CCDC169: variants seen among roughly 807,000 people sequenced by gnomAD.
CCDC169 encodes the protein coiled-coil domain containing 169.
In CCDC169, 30 loss-of-function variants were observed where a neutral mutation model predicts 36.0. The ratio of observed to expected loss-of-function variants is 0.83; its 90% CI spans 0.62 to 1.13. The LOEUF (loss-of-function observed/expected upper bound fraction) is 1.13. CCDC169 is among the 50% of genes most tolerant of loss of function. The pLI is 0.00. For missense variants in CCDC169, 245 were observed against 245.9 expected, an observed-to-expected ratio of 1.00 and a Z score of 0.03; for synonymous variants, 85 against 81.5, an observed-to-expected ratio of 1.04 and a Z score of -0.23.
At chr13:36,276,306 T>C (rs2138581974) in intron 4 of CCDC169, among the ~76,000 whole-genome samples, 1 of 152,316 alleles carries the variant, frequency 6.6e-6, no homozygotes, top group East Asian at 1.9e-4. Flanking sequence ...CTAAATGATT[T>C]CCGTAAGTTT....
intron 2 of CCDC169, among the ~76,000 whole-genome samples, chr13:36,295,335 G>T (rs1460150027): frequency 6.6e-6 from 1 of 152,100 alleles, no homozygotes; most frequent in Non-Finnish European, 1.5e-5. Context: ...AAATTTTAAG[G>T]ATATATGAGT....
At chr13:36,273,487 CCTTA>C (rs1303911514) in intron 4 of CCDC169, among the ~76,000 whole-genome samples, 3 of 152,078 alleles carry the variant, frequency 2.0e-5, no homozygotes, top group Admixed American at 6.6e-5. Context: ...ACACATACTG[CCTTA>C]CTTACTAGCT....
chr13:36,227,399 A>G, downstream of CCDC169: 1 of 1,526,458 alleles, frequency 6.6e-7, no homozygotes, highest in Non-Finnish European at 8.8e-7. Context: ...AAGAGATGTG[A>G]ATAGAACATG....
At chr13:36,285,187 A>C (rs1878020629) in intron 2 of CCDC169, among the ~76,000 whole-genome samples, 1 of 152,200 alleles carries the variant, frequency 6.6e-6, no homozygotes, top group Non-Finnish European at 1.5e-5. Context: ...ACAGTTTATA[A>C]ATTTTGACAC....
chr13:36,288,925 A>G (rs941251633), intron 2 of CCDC169, among the ~76,000 whole-genome samples: 1 of 152,148 alleles, frequency 6.6e-6, no homozygotes, highest in African/African-American at 2.4e-5. Context: ...AGTTATTCAG[A>G]AAACAGAAAA....
At chr13:36,226,792 A>C, downstream of CCDC169, 1 of 215,174 alleles carries the variant, frequency 4.6e-6, no homozygotes, top group African/African-American at 2.3e-5. Flanking sequence ...GGGGACCACT[A>C]GAGGGTGGAG....
At chr13:36,233,342 A>G (rs1435713321) in intron 7 of CCDC169, among the ~76,000 whole-genome samples, 1 of 152,178 alleles carries the variant, frequency 6.6e-6, no homozygotes, top group Non-Finnish European at 1.5e-5. Flanking sequence ...GGGGAAAGAA[A>G]CTAATATACA....
At chr13:36,297,597 G>A (rs374251563) in intron 1 of CCDC169, 40 bp downstream of exon 1, 8 of 1,535,982 alleles carry the variant, frequency 5.2e-6, no homozygotes, top group South Asian at 4.8e-5. Flanking sequence ...GGCTCGGGGG[G>A]TGTGGACGGG....
intron 6 of CCDC169, among the ~76,000 whole-genome samples, chr13:36,251,345 A>G (rs1873131618): frequency 6.6e-6 from 1 of 151,658 alleles, no homozygotes. Context: ...CCTTCACTAT[A>G]AAGATTAACA....
intron 2 of CCDC169, among the ~76,000 whole-genome samples, chr13:36,292,400 ATTC>A (rs946255149): frequency 2.0e-5 from 3 of 152,176 alleles, no homozygotes; most frequent in Admixed American, 2.0e-4. Context: ...ACAAATACTA[ATTC>A]TTCTTGCTTA....
intron 4 of CCDC169, among the ~76,000 whole-genome samples, chr13:36,265,722 C>A (rs1256936635): frequency 6.6e-6 from 1 of 152,194 alleles, no homozygotes; most frequent in East Asian, 1.9e-4. Context: ...GGTCTTTTCC[C>A]TACCATGATA....
Position 36,231,055 on chromosome 13 carries a change from G to A in CCDC169, c.*138C>T, listed in dbSNP as rs1870367253. On this transcript the variant is annotated 3_prime_UTR_variant, in exon 8 of 8. Transcript: ENST00000239859. ...TATGCAGACAAAGGAACACACGTCT[G>A]GAAAAGGAACTAAAGAAAAATGTGG... 2 of 1,423,980 alleles carry A rather than the reference G, an allele frequency of 1.4e-6. No homozygotes were observed. Among genetic ancestry groups the A allele is most frequent in the Admixed American group, 2.9e-5 (1 of 34,288 alleles). The allele number at this position is 1,423,980 out of a possible 1,614,324, so 88.2% of individuals were successfully genotyped here. A position where few individuals can be genotyped will look rare whatever the true frequency, so the allele number is the denominator to read the frequency against.
rs547885901 is a variant in CCDC169 at position 36,251,028 on chromosome 13, C to G, written c.469-2346G>C. On this transcript the variant is annotated intron_variant, in intron 6 of 7. Coordinates refer to ENST00000239859, the MANE Select transcript of CCDC169 (RefSeq NM_001144981.3). The stretch of plus-strand genomic sequence containing the variant: ...ATTATGTGCTGCAAAAAGCTCTAAT[C>G]GGTCTTTCTGCCTGACTTTTAAGTA... 3.9e-5 allele frequency among the ~76,000 whole-genome samples: 6 copies of G among 152,326 alleles called. No individual in the cohort carries two copies. In the East Asian group the frequency reaches 1.2e-3, roughly 29 times the overall value.
chr13:36,230,295 T>C (rs925162420), downstream of CCDC169, among the ~76,000 whole-genome samples: 3 of 152,364 alleles, frequency 2.0e-5, no homozygotes. Flanking sequence ...AAATAAGTTA[T>C]ATGTTCCGGA....
intron 4 of CCDC169, 64 bp downstream of exon 4, chr13:36,283,405 G>C: frequency 7.0e-7 from 1 of 1,433,330 alleles, no homozygotes; most frequent in Non-Finnish European, 9.5e-7. Context: ...TTTGAAATAC[G>C]TCTGGAAAAA....
At chr13:36,288,130 T>A (rs1878465781) in intron 2 of CCDC169, among the ~76,000 whole-genome samples, 1 of 152,034 alleles carries the variant, frequency 6.6e-6, no homozygotes, top group Non-Finnish European at 1.5e-5. Context: ...TGCCTCAGCC[T>A]CCCGAGTAGC....
chr13:36,296,989 G>C (rs1308286525), intron 1 of CCDC169, among the ~76,000 whole-genome samples: 1 of 152,142 alleles, frequency 6.6e-6, no homozygotes, highest in Non-Finnish European at 1.5e-5. Flanking sequence ...CCTGTCCTCA[G>C]AACGCGTGTA....
At chr13:36,227,475 T>TACACACACACAC (rs138475016), downstream of CCDC169, 42 of 1,142,944 alleles carry the variant, frequency 3.7e-5, 1 homozygote, top group Non-Finnish European at 1.2e-5. Context: ...ATTGTATTTT[T>TACACACACACAC]ACACACACAC....
In CCDC169 at chr13:36,248,682, C is replaced by T. The variant is rs1008458111; in HGVS notation, c.469G>A (p.Gly157Ser). The T allele has an allele frequency of 7.7e-6, 12 of 1,548,940 alleles. No individual in the cohort carries two copies. Among genetic ancestry groups the T allele is most frequent in the Non-Finnish European group, 1.0e-5 (12 of 1,145,444 alleles). ...RRTYLAEMSQGSGLHQVSKRQ... is the reference protein window; with the variant it reads ...RRTYLAEMSQSSGLHQVSKRQ... ...TTAGAAACTTGATGTAAACCAGAAC[C>T]CTGAAATACAAAAATTTGAGTGTTT... The change falls in exon 7 of 8, where the codon GGT becomes AGT. Residue 157 changes from glycine (G) to serine (S), a missense_variant and splice_region_variant. Physicochemically the swap from Gly to Ser is moderately conservative, Grantham distance 56. Transcript: ENST00000239859.
Sources: gnomAD v4.1 joint callset for allele counts (sites outside exome capture counted in the v4.1 genomes callset) on GRCh38, gnomAD v4.1.1 for gene constraint, MANE v1.5 for transcripts, NCBI Gene and HGNC (gene_info 2026-07-23, HGNC 2026-07-21) for gene names.